Variants in CD200 observed in about 807,000 individuals in gnomAD.
CD200 encodes the protein CD200 molecule, also known as OX-2 membrane glycoprotein.
In CD200, 15 loss-of-function variants were observed where a neutral mutation model predicts 30.9. That is an observed-to-expected ratio of 0.49 (90% confidence interval 0.32 to 0.75). The LOEUF (loss-of-function observed/expected upper bound fraction) is 0.75, where lower values mean the gene tolerates loss of function less well. Ranked by LOEUF, CD200 falls within the 30% of genes least tolerant of loss-of-function variation. CD200 has a pLI of 0.03. For missense variants in CD200, 262 were observed against 324.2 expected, an observed-to-expected ratio of 0.81 and a Z score of 1.47; for synonymous variants, 134 against 126.2, an observed-to-expected ratio of 1.06 and a Z score of -0.41.
intron 5 of CD200, among the ~76,000 whole-genome samples, chr3:112,360,333 A>AAAAAAAAAAAATAT (rs879786648): frequency 7.1e-6 from 1 of 141,196 alleles, no homozygotes; most frequent in African/African-American, 2.5e-5. Flanking sequence ...ATCTAAAAAA[A>AAAAAAAAAAAATAT]ATATATATAT....
In CD200 at chr3:112,349,712, G is replaced by T; in HGVS notation, c.695G>T (p.Gly232Val). Residue 232 changes from glycine (G) to valine (V), a missense_variant and splice_region_variant, in exon 5 of 6, where the codon GGC becomes GTC. Gly to Val is a moderately radical substitution (Grantham distance 109). Transcript: ENST00000315711. ...CTTTTTCTTTCTTCAATATCTATAGGCTATTGGTTTTCAGTTCCGCTATTG... is the reference window on the plus strand; with the variant it reads ...CTTTTTCTTTCTTCAATATCTATAGTCTATTGGTTTTCAGTTCCGCTATTG... ...VTDFKQTVNK[G>V]YWFSVPLLLS... 1 of 1,610,684 alleles carries T rather than the reference G, an allele frequency of 6.2e-7. No individual in the cohort carries two copies. Among genetic ancestry groups the T allele is most frequent in the Middle Eastern group, 1.7e-4 (1 of 6,052 alleles).
intron 4 of CD200, 77 bp downstream of exon 4, chr3:112,347,907 G>GCTGAAAACC: frequency 1.5e-6 from 2 of 1,298,194 alleles, no homozygotes; most frequent in Non-Finnish European, 2.2e-6. Flanking sequence ...TCCTGCAGAG[G>GCTGAAAACC]TTTTCAGCCT....
chr3:112,356,772 AT>A (rs2081630538), intron 5 of CD200, among the ~76,000 whole-genome samples: 2 of 152,210 alleles, frequency 1.3e-5, no homozygotes, highest in Non-Finnish European at 2.9e-5. Flanking sequence ...AGTCATTTTT[AT>A]TTGCAACAAT....
At chr3:112,353,246 C>T (rs2081567252) in intron 5 of CD200, among the ~76,000 whole-genome samples, 1 of 152,198 alleles carries the variant, frequency 6.6e-6, no homozygotes, top group African/African-American at 2.4e-5. Flanking sequence ...AGAAACTTCA[C>T]TTTGAGGCAG....
Position 112,348,628 on chromosome 3 carries a change from T to C in CD200, c.694+798T>C, listed in dbSNP as rs185500906. ...ATGAAGCAGTCAGTAATAAGCCTCC[T>C]AAAAAGTATTACTCCTCTTTTTTGG... On this transcript the variant is annotated intron_variant, in intron 4 of 5. Transcript: ENST00000315711. 1.5e-3 allele frequency among the ~76,000 whole-genome samples: 222 copies of C among 152,326 alleles called. 3 individuals are homozygous for C. Among genetic ancestry groups the C allele is most frequent in the African/African-American group, 5.0e-3 (207 of 41,578 alleles).
intron 3 of CD200, among the ~76,000 whole-genome samples, chr3:112,346,486 C>G (rs2081397087): frequency 6.6e-6 from 1 of 152,138 alleles, no homozygotes; most frequent in Non-Finnish European, 1.5e-5. Flanking sequence ...CCTTTTCCAT[C>G]CACACCTTAT....
intron 5 of CD200, among the ~76,000 whole-genome samples, chr3:112,355,146 G>C (rs897453831): frequency 2.0e-5 from 3 of 152,296 alleles, no homozygotes; most frequent in Admixed American, 2.0e-4. Context: ...GGGTGTGGGA[G>C]TGACTTACTT....
At chr3:112,335,471 A>C (rs935654854) in intron 1 of CD200, among the ~76,000 whole-genome samples, 1 of 152,232 alleles carries the variant, frequency 6.6e-6, no homozygotes, top group Non-Finnish European at 1.5e-5. Flanking sequence ...TTCAGATGAT[A>C]TAATCTTGAA....
At chr3:112,343,192 CACAG>C in intron 2 of CD200, among the ~76,000 whole-genome samples, 1 of 149,906 alleles carries the variant, frequency 6.7e-6, no homozygotes. Flanking sequence ...TTTATACACA[CACAG>C]AGAGAGAGAT....
intron 5 of CD200, among the ~76,000 whole-genome samples, chr3:112,361,142 T>A (rs1406763032): frequency 6.6e-6 from 1 of 152,178 alleles, no homozygotes; most frequent in Non-Finnish European, 1.5e-5. Flanking sequence ...GCTCAAGTTA[T>A]CCTCACGCCT....
At chr3:112,344,349 T>G (rs2081335226) in intron 2 of CD200, among the ~76,000 whole-genome samples, 1 of 152,286 alleles carries the variant, frequency 6.6e-6, no homozygotes, top group African/African-American at 2.4e-5. Flanking sequence ...ACCATAGCAT[T>G]TAGTGAAAGC....
chr3:112,361,681 G>A lies in CD200; in HGVS notation c.*131G>A. The stretch of plus-strand genomic sequence containing the variant: ...AAAGAGGTGGGAGCGAAAGCCTTAA[G>A]GATCCCACGACTTTTTACTGCCATC... On this transcript the variant is annotated 3_prime_UTR_variant, in exon 6 of 6. Transcript: ENST00000315711. The A allele has an allele frequency of 1.2e-6, 1 of 843,854 alleles. No homozygotes were observed. Among genetic ancestry groups the A allele is most frequent in the Non-Finnish European group, 2.0e-6 (1 of 490,550 alleles). 52.3% of individuals were successfully genotyped at this position (843,854 alleles called of 1,614,324 possible). A position where few individuals can be genotyped will look rare whatever the true frequency, so the allele number is the denominator to read the frequency against.
chr3:112,334,314 G>A (rs776876690), intron 1 of CD200: 50 of 932,926 alleles, frequency 5.4e-5, no homozygotes, highest in Non-Finnish European at 6.3e-5. Context: ...TAAGACCCAG[G>A]TTTTTGTGAA....
intron 1 of CD200, among the ~76,000 whole-genome samples, chr3:112,335,629 A>G (rs1285456219): frequency 2.6e-5 from 4 of 152,330 alleles, no homozygotes; most frequent in Middle Eastern, 3.4e-3. Flanking sequence ...ACACTCAGGT[A>G]TGTGGCAGCA....
intron 5 of CD200, among the ~76,000 whole-genome samples, chr3:112,360,428 A>C (rs2081718505): frequency 6.6e-6 from 1 of 152,082 alleles, no homozygotes; most frequent in South Asian, 2.1e-4. Flanking sequence ...ACTAGTCTGA[A>C]GTAAAATAAG....
intron 5 of CD200, among the ~76,000 whole-genome samples, chr3:112,352,566 AGT>A (rs1183362248): frequency 5.8e-5 from 8 of 138,694 alleles, no homozygotes; most frequent in Admixed American, 1.4e-4. Flanking sequence ...AGAGAGAGAG[AGT>A]GTTTAGAGTT....
At position 112,343,941 on chromosome 3, in the gene CD200, C is replaced by T. The variant is rs965553113; in HGVS notation, c.95-1021C>T. ...TATTGAATTTTTCCTTAATCCCTTC[C>T]ATATCATTATCTCTTTGTGCTACAT... On this transcript the variant is annotated intron_variant, in intron 2 of 5. Coordinates refer to ENST00000315711, the MANE Select transcript of CD200 (RefSeq NM_005944.7). Among the ~76,000 whole-genome samples the T allele has an allele frequency of 2.2e-4, 34 of 152,010 alleles. 1 individual carries two copies. Among genetic ancestry groups the T allele is most frequent in the African/African-American group, 7.0e-4 (29 of 41,404 alleles).
chr3:112,338,132 A>G (rs1239848549), intron 1 of CD200, among the ~76,000 whole-genome samples: 2 of 152,200 alleles, frequency 1.3e-5, no homozygotes, highest in African/African-American at 2.4e-5. Context: ...AGACAAGACT[A>G]CTGCACAAAA....
Position 112,347,877 on chromosome 3 carries a change from G to C in CD200, c.694+47G>C, listed in dbSNP as rs368246836. 1.2e-5 allele frequency: 18 copies of C among 1,549,120 alleles called. No individual in the cohort carries two copies. The African/African-American group carries it at 2.4e-4, about 21-fold the overall frequency. On this transcript the variant is annotated intron_variant, in intron 4 of 5. Transcript: ENST00000315711. The stretch of plus-strand genomic sequence containing the variant: ...GGCTGTGGTTGTGTCTGTGTGCATG[G>C]ACCTGGAAGGCAGTGAATGTCCTGC...
Sources: allele counts gnomAD v4.1 joint callset (sites outside exome capture counted in the v4.1 genomes callset), GRCh38; gene constraint gnomAD v4.1.1; transcripts MANE v1.5; gene names NCBI Gene and HGNC (gene_info 2026-07-23, HGNC 2026-07-21).